PXDNL: variants seen among roughly 807,000 people sequenced by gnomAD.
PXDNL encodes peroxidasin like.
A neutral mutation model predicts 150.8 loss-of-function variants in PXDNL; 145 were observed. That is an observed-to-expected ratio of 0.96 (90% CI 0.84 to 1.10). The LOEUF is 1.10. PXDNL is among the 50% of genes least tolerant of loss of function. The pLI is 0.00. For synonymous variants in PXDNL, 757 were observed against 725.7 expected, an observed-to-expected ratio of 1.04 and a Z score of -0.69; for missense variants, 2,087 against 1,873.9, an observed-to-expected ratio of 1.11 and a Z score of -2.10.
chr8:51,341,560 G>C (rs1274132235), intron 20 of PXDNL, among the ~76,000 whole-genome samples: 8 of 152,102 alleles, frequency 5.3e-5, no homozygotes, highest in Non-Finnish European at 1.0e-4. Context: ...CGAATCTCTA[G>C]AACTAATTTG....
intron 1 of PXDNL, among the ~76,000 whole-genome samples, chr8:51,761,408 A>G (rs1163688627): frequency 6.6e-6 from 1 of 152,192 alleles, no homozygotes; most frequent in Non-Finnish European, 1.5e-5. Context: ...TATTTTGAGG[A>G]TTAAATGAGA....
At chr8:51,539,770 AT>A (rs1436656661) in intron 4 of PXDNL, among the ~76,000 whole-genome samples, 47 of 152,212 alleles carry the variant, frequency 3.1e-4, no homozygotes, top group African/African-American at 1.1e-3. Context: ...CTTCCTCTTT[AT>A]CCATTTAATA....
chr8:51,580,239 A>G (rs1238301669), intron 3 of PXDNL, among the ~76,000 whole-genome samples: 1 of 152,028 alleles, frequency 6.6e-6, no homozygotes, highest in Non-Finnish European at 1.5e-5. Context: ...TCTTGACTGT[A>G]TCAATGCCAG....
intron 12 of PXDNL, among the ~76,000 whole-genome samples, chr8:51,427,853 C>T (rs1809149298): frequency 6.6e-6 from 1 of 152,164 alleles, no homozygotes; most frequent in Admixed American, 6.5e-5. Context: ...TCTTATTCAA[C>T]ACAGTGCTGC....
chr8:51,661,439 G>A (rs1815266708), intron 1 of PXDNL, among the ~76,000 whole-genome samples: 1 of 152,160 alleles, frequency 6.6e-6, no homozygotes. Context: ...TTAAATCAGT[G>A]GGCTTTGAGT....
At chr8:51,721,712 C>G (rs571372568) in intron 1 of PXDNL, 87 of 465,048 alleles carry the variant, frequency 1.9e-4, no homozygotes, top group Admixed American at 6.7e-5. Flanking sequence ...AAATTCTCCA[C>G]AAGATCGGGA....
At chr8:51,597,088 G>A (rs1813586908) in intron 2 of PXDNL, among the ~76,000 whole-genome samples, 1 of 152,196 alleles carries the variant, frequency 6.6e-6, no homozygotes, top group Non-Finnish European at 1.5e-5. Flanking sequence ...TGTACACAGT[G>A]AAAGGTAGGG....
chr8:51,418,242 C>T, intron 14 of PXDNL, among the ~76,000 whole-genome samples: 1 of 151,870 alleles, frequency 6.6e-6, no homozygotes, highest in East Asian at 1.9e-4. Flanking sequence ...TAAAGTTTGA[C>T]AAAAATAAAA....
In PXDNL at chr8:51,320,892, G is replaced by A; in HGVS notation, c.4152C>T (p.Asn1384=). ...ETITALREQI[N]KLEARLRQAG... ...CCTGCCTCAGGCGTGCCTCCAGCTT[G>A]TTTATCTGAAAGGGGAGGCAAAGGA... Residue 1384 remains asparagine, a synonymous_variant, in exon 22 of 23, where the codon AAC becomes AAT. Coordinates refer to ENST00000356297, the MANE Select transcript of PXDNL (RefSeq NM_144651.5). 6.2e-7 allele frequency: 1 copy of A among 1,612,076 alleles called. No homozygotes were observed. The highest frequency in any genetic ancestry group is 8.5e-7 in the Non-Finnish European group (1 of 1,178,510).
At chr8:51,470,931 G>C (rs775885746) in intron 8 of PXDNL, among the ~76,000 whole-genome samples, 4 of 151,710 alleles carry the variant, frequency 2.6e-5, no homozygotes, top group South Asian at 2.1e-4. Context: ...ACGGGCAAAG[G>C]CTTCATGACG....
intron 2 of PXDNL, among the ~76,000 whole-genome samples, chr8:51,629,912 T>G (rs772380340): frequency 2.6e-5 from 4 of 152,134 alleles, no homozygotes; most frequent in Non-Finnish European, 4.4e-5. Context: ...ACAAATGACA[T>G]TTTTCAAAGA....
intron 4 of PXDNL, among the ~76,000 whole-genome samples, chr8:51,530,694 G>A (rs1811880258): frequency 6.6e-6 from 1 of 152,090 alleles, no homozygotes; most frequent in Admixed American, 6.5e-5. Flanking sequence ...CTCACACTCT[G>A]CGTGTAGTGC....
At chr8:51,608,146 T>C (rs1396941390) in intron 2 of PXDNL, among the ~76,000 whole-genome samples, 1 of 147,160 alleles carries the variant, frequency 6.8e-6, no homozygotes, top group African/African-American at 2.6e-5. Flanking sequence ...TCCCAGCACT[T>C]TGGGAGGCCG....
chr8:51,602,454 C>T (rs1160398778), intron 2 of PXDNL, among the ~76,000 whole-genome samples: 1 of 151,858 alleles, frequency 6.6e-6, no homozygotes, highest in African/African-American at 2.4e-5. Flanking sequence ...CTTTTATCTG[C>T]TTAGTCCACA....
intron 14 of PXDNL, among the ~76,000 whole-genome samples, chr8:51,422,778 T>G (rs1808988476): frequency 1.3e-5 from 2 of 152,168 alleles, no homozygotes; most frequent in Non-Finnish European, 2.9e-5. Context: ...AAAGCAACAC[T>G]AATGTGAACT....
At chr8:51,486,808 T>A (rs1302349882) in intron 5 of PXDNL, among the ~76,000 whole-genome samples, 37 of 89,498 alleles carry the variant, frequency 4.1e-4, no homozygotes, top group South Asian at 2.3e-3. Context: ...TTTTTTTTTT[T>A]TTTTTTTTTT....
intron 2 of PXDNL, among the ~76,000 whole-genome samples, chr8:51,636,901 G>A (rs1814615326): frequency 6.7e-6 from 1 of 150,022 alleles, no homozygotes; most frequent in African/African-American, 2.5e-5. Context: ...CTCCTCAAGT[G>A]GGTCCCTGAC....
intron 12 of PXDNL, among the ~76,000 whole-genome samples, chr8:51,429,872 T>A (rs1328326093): frequency 1.3e-5 from 2 of 152,110 alleles, no homozygotes; most frequent in Non-Finnish European, 2.9e-5. Context: ...TCTGTTGGAA[T>A]CTTATTTTTC....
chr8:51,362,128 A>C (rs1354840324), intron 19 of PXDNL, among the ~76,000 whole-genome samples: 3 of 152,196 alleles, frequency 2.0e-5, no homozygotes, highest in Non-Finnish European at 4.4e-5. Flanking sequence ...ATTGATAAGA[A>C]AATATCTGTT....
Sources: allele counts gnomAD v4.1 joint callset (sites outside exome capture counted in the v4.1 genomes callset), GRCh38; gene constraint gnomAD v4.1.1; transcripts MANE v1.5; gene names NCBI Gene and HGNC (gene_info 2026-07-23, HGNC 2026-07-21).